Variants in ATP8B4 observed in about 807,000 individuals in gnomAD.
ATP8B4 encodes probable phospholipid-transporting ATPase IM.
A neutral mutation model predicts 145.6 loss-of-function variants in ATP8B4; 133 were observed. The ratio of observed to expected loss-of-function variants is 0.91; its 90% confidence interval spans 0.79 to 1.05. The LOEUF is 1.05. ATP8B4 is among the 50% of genes least tolerant of loss of function. The pLI, the probability that ATP8B4 is intolerant of heterozygous loss-of-function variation, is 0.00. For synonymous variants in ATP8B4, 507 were observed against 492.9 expected, an observed-to-expected ratio of 1.03 and a Z score of -0.38; for missense variants, 1,458 against 1,425.2, an observed-to-expected ratio of 1.02 and a Z score of -0.37.
rs1024138776 is a variant in ATP8B4 at position 49,875,578 on chromosome 15, T to A, written c.3027+700A>T. 7.9e-5 allele frequency among the ~76,000 whole-genome samples: 12 copies of A among 152,354 alleles called. No individual in the cohort carries two copies. In the East Asian group the frequency reaches 9.6e-4, roughly 12 times the overall value. On this transcript the variant is annotated intron_variant, in intron 25 of 27. Coordinates refer to ENST00000284509, the MANE Select transcript of ATP8B4 (RefSeq NM_024837.4). ...AACTATGTGCGGTGATGCATGCCTA[T>A]AATCTCAGCCACCTGGAGGCCAAGG...
intron 25 of ATP8B4, among the ~76,000 whole-genome samples, chr15:49,871,492 T>C (rs1342890245): frequency 1.3e-5 from 2 of 152,164 alleles, no homozygotes; most frequent in Non-Finnish European, 2.9e-5. Context: ...AATGGCATCA[T>C]GAGGAGCAAG....
At position 49,860,268 on chromosome 15, in the gene ATP8B4, A is replaced by C. The variant is rs200041151; in HGVS notation, c.3505T>G (p.Trp1169Gly). Reference protein sequence around the residue: ...LEKTHYNSTSWIENLCKKTTD... With the variant: ...LEKTHYNSTSGIENLCKKTTD... ...GTTTTCTTACATAAATTTTCAATCCAGCTAGTGCTATTATAATGTGTCTTT... is the reference window on the plus strand; with the variant it reads ...GTTTTCTTACATAAATTTTCAATCCCGCTAGTGCTATTATAATGTGTCTTT... The change falls in exon 28 of 28, where the codon TGG (tryptophan) becomes GGG (glycine). Residue 1169 changes from tryptophan (W) to glycine (G), a missense_variant. By Grantham distance (184) the Trp-to-Gly change is radical (BLOSUM62 -2). Coordinates refer to ENST00000284509, the MANE Select transcript of ATP8B4 (RefSeq NM_024837.4). 5 of 1,614,048 alleles carry C rather than the reference A, an allele frequency of 3.1e-6. No individual in the cohort carries two copies. The highest frequency in any genetic ancestry group is 4.2e-6 in the Non-Finnish European group (5 of 1,180,014).
rs780099151 is a variant in ATP8B4, at chr15:50,172,396, G to A, written c.-43+9865C>T. 2.6e-5 allele frequency among the ~76,000 whole-genome samples: 4 copies of A among 152,226 alleles called. No homozygotes were observed. In the East Asian group the frequency reaches 5.8e-4, roughly 22 times the overall value. ...TGACCGCGAGTGATCTGCCAGCCTC[G>A]GCCTCCGGAGGTGCCGGGATTGCAG... On this transcript the variant is annotated intron_variant, in intron 1 of 3. Coordinates refer to the ATP8B4 transcript ENST00000558829.
chr15:50,019,476 A>G (rs926733051), intron 6 of ATP8B4, among the ~76,000 whole-genome samples: 1 of 152,254 alleles, frequency 6.6e-6, no homozygotes, highest in African/African-American at 2.4e-5. Flanking sequence ...CAGATGAAAT[A>G]GATTCATTAA....
intron 2 of ATP8B4, among the ~76,000 whole-genome samples, chr15:50,076,192 G>C (rs968612460): frequency 6.6e-6 from 1 of 152,094 alleles, no homozygotes; most frequent in African/African-American, 2.4e-5. Context: ...GACTCTGTGA[G>C]CCACACAGAA....
intron 2 of ATP8B4, among the ~76,000 whole-genome samples, chr15:50,080,770 T>G (rs115155171): frequency 0.011 from 1,608 of 152,092 alleles, 29 homozygotes; most frequent in African/African-American, 0.037. Context: ...AAGGTGTTGT[T>G]CCCCTGTTAG....
intron 24 of ATP8B4, among the ~76,000 whole-genome samples, chr15:49,878,694 C>T (rs886243452): frequency 1.3e-5 from 2 of 152,072 alleles, no homozygotes; most frequent in Non-Finnish European, 2.9e-5. Context: ...GTGATTGATC[C>T]TCTCCTTTCT....
intron 14 of ATP8B4, among the ~76,000 whole-genome samples, chr15:49,945,227 CG>C (rs1002584106): frequency 6.6e-6 from 1 of 151,860 alleles, no homozygotes; most frequent in Non-Finnish European, 1.5e-5. Context: ...AAGAGACTTA[CG>C]AAAAGTTATA....
chr15:50,033,657 A>G (rs937520867), intron 6 of ATP8B4, among the ~76,000 whole-genome samples: 1 of 152,164 alleles, frequency 6.6e-6, no homozygotes, highest in Non-Finnish European at 1.5e-5. Context: ...TGATCCTACC[A>G]CTCAGGTAGT....
chr15:49,921,455 G>A (rs2040251323), intron 17 of ATP8B4, among the ~76,000 whole-genome samples: 1 of 152,110 alleles, frequency 6.6e-6, no homozygotes, highest in Admixed American at 6.6e-5. Flanking sequence ...ACTGGTATTT[G>A]CTAAGTGTCT....
intron 5 of ATP8B4, among the ~76,000 whole-genome samples, chr15:50,042,335 A>G (rs1018027844): frequency 4.6e-5 from 7 of 152,170 alleles, no homozygotes; most frequent in Non-Finnish European, 8.8e-5. Flanking sequence ...ACTTGCATCA[A>G]ATTGTTGATT....
chr15:49,877,210 C>G (rs1465811076), intron 24 of ATP8B4, among the ~76,000 whole-genome samples: 1 of 152,178 alleles, frequency 6.6e-6, no homozygotes, highest in Non-Finnish European at 1.5e-5. Flanking sequence ...AAATGCTTAT[C>G]AAACCTAATG....
At chr15:50,106,717 GA>G (rs1308470847) in intron 2 of ATP8B4, among the ~76,000 whole-genome samples, 1 of 152,098 alleles carries the variant, frequency 6.6e-6, no homozygotes, top group Non-Finnish European at 1.5e-5. Flanking sequence ...AAGAATGAAC[GA>G]AAAGGAGCAC....
chr15:50,037,281 C>T (rs998004231), intron 6 of ATP8B4, among the ~76,000 whole-genome samples: 6 of 152,140 alleles, frequency 3.9e-5, no homozygotes, highest in East Asian at 1.9e-4. Flanking sequence ...GAGAAAGGAA[C>T]GTATTAACAT....
rs779758921 is a variant in ATP8B4, at chr15:49,918,854, T to C, written c.2020A>G (p.Thr674Ala). ...TTCAAGTTACCTTGTTTGTCTCCTG[T>C]TAGGACCCAGATCTTAATATTGGCT... ...SLANIKIWVL[T>A]GDKQETAINI... The change falls in exon 19 of 28, where the codon ACA becomes GCA. Residue 674 changes from threonine (T) to alanine (A), a missense_variant. Physicochemically the swap from Thr to Ala is moderately conservative, Grantham distance 58. Transcript: ENST00000284509. The C allele has an allele frequency of 4.3e-6, 7 of 1,610,112 alleles. No homozygotes were observed. Among genetic ancestry groups the C allele is most frequent in the Non-Finnish European group, 5.9e-6 (7 of 1,176,980 alleles).
At position 50,002,647 on chromosome 15, in the gene ATP8B4, G is replaced by A. The variant is rs905655344; in HGVS notation, c.436-424C>T. Among the ~76,000 whole-genome samples the A allele has an allele frequency of 4.0e-5, 6 of 151,802 alleles. No homozygotes were observed. The South Asian group carries it at 6.3e-4, about 16-fold the overall frequency. ...CAAAGGAGATGGGGAAAAGACAGAA[G>A]GGAAATAGATGGAGGAAACTGAAAA... On this transcript the variant is annotated intron_variant, in intron 7 of 27. Transcript: ENST00000284509.
intron 3 of ATP8B4, among the ~76,000 whole-genome samples, chr15:50,066,970 T>A (rs1208485798): frequency 1.3e-5 from 2 of 152,116 alleles, no homozygotes; most frequent in African/African-American, 4.8e-5. Context: ...CCTGAGACGT[T>A]CCCTTCCTTA....
chr15:50,074,235 C>T (rs753138594), intron 2 of ATP8B4, 50 bp from the exon 3 acceptor site: 10 of 1,466,782 alleles, frequency 6.8e-6, no homozygotes, highest in Middle Eastern at 1.8e-4. Flanking sequence ...CCCAGAGAAA[C>T]AAATAACTCA....
chr15:50,111,064 T>A (rs2056915887), intron 1 of ATP8B4, among the ~76,000 whole-genome samples: 1 of 152,222 alleles, frequency 6.6e-6, no homozygotes, highest in Admixed American at 6.5e-5. Context: ...TACCAAGACC[T>A]CCATGCTGGA....
Sources: allele counts gnomAD v4.1 joint callset (sites outside exome capture counted in the v4.1 genomes callset), GRCh38; gene constraint gnomAD v4.1.1; transcripts MANE v1.5; gene names NCBI Gene and HGNC (gene_info 2026-07-23, HGNC 2026-07-21).